The following LRRC37A2 variants were observed in gnomAD, a reference collection of about 807,000 sequenced individuals.
LRRC37A2 encodes the protein leucine-rich repeat-containing protein 37A2.
Under a neutral mutation model 68.8 loss-of-function variants are expected in LRRC37A2, and 9 were observed. The observed-to-expected ratio is 0.13, with a 90% CI of 0.08 to 0.23. The LOEUF (loss-of-function observed/expected upper bound fraction) is 0.23, where lower values mean the gene tolerates loss of function less well. Ranked by LOEUF, LRRC37A2 falls within the 10% of genes least tolerant of loss-of-function variation. The pLI, the probability that LRRC37A2 is intolerant of heterozygous loss-of-function variation, is 1.00. For synonymous variants in LRRC37A2, 63 were observed against 367.6 expected, an observed-to-expected ratio of 0.17 and a Z score of 9.48; for missense variants, 168 against 950.4, an observed-to-expected ratio of 0.18 and a Z score of 10.82.
chr17:46,766,774 G>A, the LRRC37A2 span, among the ~76,000 whole-genome samples: 2 of 152,142 alleles, frequency 1.3e-5, no homozygotes, highest in African/African-American at 4.8e-5. Flanking sequence ...TAGCTCAGAG[G>A]TGCCCTGTGG....
the LRRC37A2 span, among the ~76,000 whole-genome samples, chr17:46,758,633 C>T: frequency 6.6e-6 from 1 of 152,124 alleles, no homozygotes. Context: ...CAATGTCACA[C>T]AGAAAAATTG....
At chr17:46,924,922 G>A in the LRRC37A2 span, among the ~76,000 whole-genome samples, 1 of 152,146 alleles carries the variant, frequency 6.6e-6, no homozygotes, top group East Asian at 1.9e-4. Flanking sequence ...AAAGGATGTT[G>A]CCAAGAAGGC....
chr17:46,850,149 C>T, the LRRC37A2 span, among the ~76,000 whole-genome samples: 1 of 152,198 alleles, frequency 6.6e-6, no homozygotes, highest in Admixed American at 6.5e-5. Flanking sequence ...CGTGCCTGGC[C>T]AGCATTTAAC....
the LRRC37A2 span, chr17:46,713,978 A>G: frequency 3.7e-6 from 6 of 1,601,404 alleles, no homozygotes; most frequent in Admixed American, 1.8e-5. Flanking sequence ...ATGTCAGGCC[A>G]TGAAGAAGGT....
the LRRC37A2 span, among the ~76,000 whole-genome samples, chr17:46,805,644 G>A: frequency 6.6e-6 from 1 of 152,152 alleles, no homozygotes; most frequent in Non-Finnish European, 1.5e-5. Flanking sequence ...TTAGTGATTT[G>A]GCAATCTAAG....
At chr17:46,889,152 A>G in the LRRC37A2 span, among the ~76,000 whole-genome samples, 15 of 152,202 alleles carry the variant, frequency 9.9e-5, no homozygotes, top group South Asian at 3.1e-3. Context: ...CTTAGAACCC[A>G]TGGAGGCATG....
At chr17:46,551,178 T>G (rs2056771557) in intron 11 of LRRC37A2, among the ~76,000 whole-genome samples, 1 of 149,264 alleles carries the variant, frequency 6.7e-6, no homozygotes, top group Admixed American at 6.6e-5. Flanking sequence ...CCCCTCAGAT[T>G]AGAGATGCTC....
At chr17:46,699,402 G>GAC in the LRRC37A2 span, among the ~76,000 whole-genome samples, 1,277 of 148,126 alleles carry the variant, frequency 8.6e-3, no homozygotes, top group African/African-American at 0.022. Context: ...ATAAACTGAG[G>GAC]ACACACACAC....
At chr17:46,965,164 G>A in the LRRC37A2 span, 1 of 152,224 alleles carries the variant, frequency 6.6e-6, no homozygotes, top group Admixed American at 6.5e-5. Flanking sequence ...ATGTTCTCGG[G>A]TGGGCAGGGC....
chr17:46,694,457 T>C, the LRRC37A2 span: 3 of 797,488 alleles, frequency 3.8e-6, no homozygotes, highest in Middle Eastern at 7.8e-4. Flanking sequence ...ATGCCTATTT[T>C]ATTTTTAATT....
the LRRC37A2 span, among the ~76,000 whole-genome samples, chr17:46,868,265 T>A: frequency 6.6e-6 from 1 of 152,212 alleles, no homozygotes; most frequent in East Asian, 1.9e-4. Flanking sequence ...TCTGATAGCA[T>A]CTCATTGGCC....
chr17:46,492,689 G>GTTTTTTTTTT, the LRRC37A2 span, among the ~76,000 whole-genome samples: 224 of 107,728 alleles, frequency 2.1e-3, no homozygotes, highest in East Asian at 6.6e-3. Flanking sequence ...GTTTTGTTTT[G>GTTTTTTTTTT]TTTTTTTTTT....
At chr17:47,044,096 GA>G in the LRRC37A2 span, among the ~76,000 whole-genome samples, 2 of 96,876 alleles carry the variant, frequency 2.1e-5, no homozygotes, top group East Asian at 6.3e-4. Context: ...TGAGCAAATT[GA>G]ATTATGGAGG....
chr17:46,778,228 C>T, the LRRC37A2 span, among the ~76,000 whole-genome samples: 1 of 152,186 alleles, frequency 6.6e-6, no homozygotes, highest in South Asian at 2.1e-4. Flanking sequence ...ATCTCAGCCC[C>T]TTCCTATCCA....
chr17:46,919,321 C>T, the LRRC37A2 span, among the ~76,000 whole-genome samples: 1 of 152,122 alleles, frequency 6.6e-6, no homozygotes, highest in Non-Finnish European at 1.5e-5. Flanking sequence ...TATCAATTAT[C>T]CAAGTGGTTT....
At chr17:46,941,043 A>G in the LRRC37A2 span, 11 of 1,088,078 alleles carry the variant, frequency 1.0e-5, no homozygotes, top group East Asian at 2.0e-4. Context: ...GAGCTGATGC[A>G]AGAAACTCCG....
the LRRC37A2 span, among the ~76,000 whole-genome samples, chr17:46,879,230 G>A: frequency 6.6e-6 from 1 of 152,170 alleles, no homozygotes; most frequent in South Asian, 2.1e-4. Flanking sequence ...TCTGTCTGGG[G>A]AGATACAGCC....
the LRRC37A2 span, among the ~76,000 whole-genome samples, chr17:46,977,057 A>G: frequency 1.3e-5 from 2 of 152,272 alleles, no homozygotes; most frequent in African/African-American, 4.8e-5. Context: ...CCTGATCATG[A>G]TAATTCTGAC....
At chr17:46,887,413 C>A in the LRRC37A2 span, among the ~76,000 whole-genome samples, 1 of 146,134 alleles carries the variant, frequency 6.8e-6, no homozygotes, top group African/African-American at 2.6e-5. Flanking sequence ...CACCTTTCTT[C>A]TCTGAGCCTC....
Sources: allele counts gnomAD v4.1 joint callset (sites outside exome capture counted in the v4.1 genomes callset), GRCh38; gene constraint gnomAD v4.1.1; transcripts MANE v1.5; gene names NCBI Gene and HGNC (gene_info 2026-07-23, HGNC 2026-07-21).